The following C20orf96 variants were observed in gnomAD, a reference collection of about 807,000 sequenced individuals.
C20orf96 encodes uncharacterized protein C20orf96.
A neutral mutation model predicts 52.6 loss-of-function variants in C20orf96; 57 were observed. That is an observed-to-expected ratio of 1.08 (90% CI 0.88 to 1.35). The LOEUF is 1.35. C20orf96 is among the 40% of genes most tolerant of loss of function. The pLI is 0.00. For synonymous variants in C20orf96, 168 were observed against 157.2 expected, an observed-to-expected ratio of 1.07 and a Z score of -0.51; for missense variants, 478 against 443.6, an observed-to-expected ratio of 1.08 and a Z score of -0.70.
chr20:276,477 G>A, intron 9 of C20orf96: 4 of 985,434 alleles, frequency 4.1e-6, no homozygotes, highest in Non-Finnish European at 4.8e-6. Flanking sequence ...CTGATAATGG[G>A]TGGTGGGCAG....
intron 1 of C20orf96, 23 bp from the exon 2 acceptor site, chr20:290,330 A>G: frequency 4.3e-6 from 7 of 1,611,908 alleles, no homozygotes; most frequent in Non-Finnish European, 5.9e-6. Context: ...GGGAAGGGAA[A>G]GAACTTCCAT....
rs752858013 is a variant in C20orf96, at chr20:284,036, T to G, written c.233A>C (p.Lys78Thr). 6.2e-7 allele frequency: 1 copy of G among 1,614,218 alleles called. No individual in the cohort carries two copies. The highest frequency in any genetic ancestry group is 1.1e-5 in the South Asian group (1 of 91,090). ...CCTTCTATGTAGTTCTCTTGGATTCTTCGGCTGGCAGCTTGTCACCACCGT... is the reference window on the plus strand; with the variant it reads ...CCTTCTATGTAGTTCTCTTGGATTCGTCGGCTGGCAGCTTGTCACCACCGT... ...PTTVVTSCQP[K>T]NPRELHRRRK... Residue 78 changes from lysine (K) to threonine (T), a missense_variant, in exon 4 of 11, where the codon AAG becomes ACG. Physicochemically the swap from Lys to Thr is moderately conservative, Grantham distance 78. Transcript: ENST00000360321.
chr20:289,930 T>G (rs529039501), intron 2 of C20orf96, among the ~76,000 whole-genome samples: 3 of 152,230 alleles, frequency 2.0e-5, no homozygotes, highest in Non-Finnish European at 4.4e-5. Context: ...CAGAATTTAC[T>G]AAGCACATCC....
chr20:287,643 A>T (rs1262326700), intron 3 of C20orf96, among the ~76,000 whole-genome samples: 8 of 152,100 alleles, frequency 5.3e-5, no homozygotes, highest in Non-Finnish European at 2.9e-5. Context: ...AAGGTCTTTC[A>T]TAAGGCCAGG....
intron 10 of C20orf96, 28 bp downstream of exon 10, chr20:275,940 A>G: frequency 6.3e-7 from 1 of 1,596,926 alleles, no homozygotes; most frequent in Non-Finnish European, 8.6e-7. Context: ...TGACTGGTTT[A>G]AGAGGCAGTG....
intron 3 of C20orf96, among the ~76,000 whole-genome samples, chr20:287,629 T>C (rs6082234): frequency 0.29 from 43,818 of 151,958 alleles, 7,780 homozygotes; most frequent in East Asian, 0.49. Flanking sequence ...TTCATCCTCC[T>C]AAAAAGGTCT....
intron 6 of C20orf96, 72 bp downstream of exon 6, chr20:278,258 G>T: frequency 9.1e-7 from 1 of 1,098,682 alleles, no homozygotes; most frequent in Non-Finnish European, 1.4e-6. Flanking sequence ...GCAAGTACAA[G>T]GTGAATGCTC....
chr20:277,259 CA>C lies in C20orf96; in HGVS notation c.689del (p.Met230SerfsTer41). ...SIKSVQISTL[M>X]RQLQQVKDSQ... ...TGTCCTTAACCTGCTGCAGCTGGCGCATAAGAGTGGAGATCTGGACAGACTT... is the reference window on the plus strand; with the variant it reads ...TGTCCTTAACCTGCTGCAGCTGGCGCTAAGAGTGGAGATCTGGACAGACTT... On this transcript the variant is annotated frameshift_variant, in exon 7 of 11. Transcript: ENST00000360321. LOFTEE classifies it high-confidence loss of function. 6.2e-7 allele frequency: 1 copy of C among 1,614,176 alleles called. No individual in the cohort carries two copies. The highest frequency in any genetic ancestry group is 8.5e-7 in the Non-Finnish European group (1 of 1,180,032).
At chr20:290,506 C>G in intron 1 of C20orf96, 85 bp downstream of exon 1, 1 of 1,569,176 alleles carries the variant, frequency 6.4e-7, no homozygotes. Flanking sequence ...GACCTCGAGG[C>G]GAGGGCGGGA....
At chr20:279,138 G>A (rs138321265) in intron 5 of C20orf96, 34 bp downstream of exon 5, 2 of 1,505,666 alleles carry the variant, frequency 1.3e-6, no homozygotes, top group South Asian at 1.2e-5. Context: ...TTGGGACGGA[G>A]GGACGGAGGG....
At chr20:280,844 G>A (rs1347135061) in intron 4 of C20orf96, among the ~76,000 whole-genome samples, 1 of 152,156 alleles carries the variant, frequency 6.6e-6, no homozygotes, top group Non-Finnish European at 1.5e-5. Flanking sequence ...ATCTGTTTTA[G>A]AGAACTGCCG....
Position 271,261 on chromosome 20 carries a change from G to C in C20orf96, c.1038C>G (p.Thr346=). The C allele has an allele frequency of 6.4e-7, 1 of 1,554,204 alleles. No homozygotes were observed. Among genetic ancestry groups the C allele is most frequent in the East Asian group, 2.4e-5 (1 of 41,340 alleles). The change falls in exon 11 of 11, where the codon ACC becomes ACG. Residue 346 remains threonine, a synonymous_variant. Transcript: ENST00000360321. The part of the protein sequence containing the change: ...EDVLLRRPKC[T]PDMDVILNIP... ...TGTTGAGGATGACATCCATGTCTGGGGTGCACCTGGTGGGAGGCAGCACAG... is the reference window on the plus strand; with the variant it reads ...TGTTGAGGATGACATCCATGTCTGGCGTGCACCTGGTGGGAGGCAGCACAG...
rs117652828 is a variant in C20orf96, at chr20:271,733, C to T, written c.1032-466G>A. On this transcript the variant is annotated intron_variant, in intron 10 of 10. Coordinates refer to ENST00000360321, the MANE Select transcript of C20orf96 (RefSeq NM_153269.3). Reference sequence around the variant, plus strand: ...AAAAGCACTCATTAAGTCCCAGACCCCAAGTGAGCCTCAGTTTCCTCATCT... The same window carrying T: ...AAAAGCACTCATTAAGTCCCAGACCTCAAGTGAGCCTCAGTTTCCTCATCT... 9.8e-5 allele frequency among the ~76,000 whole-genome samples: 15 copies of T among 152,286 alleles called. No individual in the cohort carries two copies. The East Asian group carries it at 2.7e-3, about 27-fold the overall frequency.
In C20orf96 at chr20:277,353, G is replaced by C. The variant is rs765635517; in HGVS notation, c.596C>G (p.Ala199Gly). The C allele has an allele frequency of 1.2e-5, 20 of 1,613,924 alleles. No homozygotes were observed. The East Asian group carries it at 4.2e-4, about 34-fold the overall frequency. Reference sequence around the variant, plus strand: ...TTCCTCCTGGGTCTTCTCAATCTTGGCATTCAGCTGCTCTGCCTGCTGCTC... The same window carrying C: ...TTCCTCCTGGGTCTTCTCAATCTTGCCATTCAGCTGCTCTGCCTGCTGCTC... ...YLEQQAEQLN[A>G]KIEKTQEEVN... Residue 199 changes from alanine to glycine, a missense_variant, in exon 7 of 11, where the codon GCC becomes GGC. Physicochemically the swap from Ala to Gly is moderately conservative, Grantham distance 60 (BLOSUM62 0). Coordinates refer to ENST00000360321, the MANE Select transcript of C20orf96 (RefSeq NM_153269.3).
rs1350602708 is a variant in C20orf96, at chr20:278,088, G to A, written c.565+242C>T. ...ACAGCTTCCCTGCCTCCAAGTAGTT[G>A]CAATGACTGAGTGTGTGCCTGTAAC... On this transcript the variant is annotated intron_variant, in intron 6 of 10. Coordinates refer to ENST00000360321, the MANE Select transcript of C20orf96 (RefSeq NM_153269.3). Among the ~76,000 whole-genome samples, 3 of 152,210 alleles carry A rather than the reference G, an allele frequency of 2.0e-5. No individual in the cohort carries two copies. The South Asian group carries it at 6.2e-4, about 32-fold the overall frequency.
intron 6 of C20orf96, 32 bp downstream of exon 6, chr20:278,298 G>A (rs1169074462): frequency 9.1e-6 from 14 of 1,540,228 alleles, no homozygotes; most frequent in African/African-American, 1.4e-5. Context: ...GTGCCAGGGG[G>A]GAGGGTCAAG....
intron 3 of C20orf96, among the ~76,000 whole-genome samples, chr20:288,270 C>T (rs912819553): frequency 2.1e-5 from 3 of 142,288 alleles, no homozygotes; most frequent in Non-Finnish European, 4.5e-5. Flanking sequence ...TGTTTTTCCA[C>T]TTTCTGAAAA....
chr20:272,414 T>C (rs2011869836), intron 10 of C20orf96, among the ~76,000 whole-genome samples: 2 of 152,216 alleles, frequency 1.3e-5, no homozygotes, highest in Admixed American at 1.3e-4. Context: ...TCACCCAGGC[T>C]GGAATGCAGT....
intron 10 of C20orf96, 141 bp from the exon 11 acceptor site, chr20:271,408 T>G: frequency 1.6e-6 from 1 of 625,192 alleles, no homozygotes; most frequent in Non-Finnish European, 2.8e-6. Flanking sequence ...GTGATCTATC[T>G]GTGACCTCAA....
Sources: allele counts gnomAD v4.1 joint callset (sites outside exome capture counted in the v4.1 genomes callset), GRCh38; gene constraint gnomAD v4.1.1; transcripts MANE v1.5; gene names NCBI Gene and HGNC (gene_info 2026-07-23, HGNC 2026-07-21).